The following SPAG16 variants were observed in gnomAD, a reference collection of about 807,000 sequenced individuals.
SPAG16 encodes the protein sperm associated antigen 16.
Under a neutral mutation model 80.4 loss-of-function variants are expected in SPAG16, and 86 were observed. The observed-to-expected ratio is 1.07, with a 90% CI of 0.90 to 1.28. SPAG16 has a LOEUF of 1.28. SPAG16 is among the 50% of genes most tolerant of loss of function. SPAG16 has a pLI of 0.00. For synonymous variants in SPAG16, 294 were observed against 265.9 expected (o/e 1.11, Z -1.03); for missense variants, 870 against 765.3 (o/e 1.14, Z -1.61).
chr2:213,326,150 G>A (rs905875584), intron 5 of SPAG16, among the ~76,000 whole-genome samples: 2 of 151,860 alleles, frequency 1.3e-5, no homozygotes, highest in Admixed American at 6.6e-5. Context: ...TACTGATTGG[G>A]ATTACTAACA....
At chr2:213,777,782 C>T (rs2069695207) in intron 10 of SPAG16, among the ~76,000 whole-genome samples, 1 of 152,146 alleles carries the variant, frequency 6.6e-6, no homozygotes, top group Admixed American at 6.5e-5. Context: ...AGTGATCTGC[C>T]TGCCTCGGCC....
At chr2:213,452,125 T>C (rs1327669138) in intron 9 of SPAG16, among the ~76,000 whole-genome samples, 1 of 152,166 alleles carries the variant, frequency 6.6e-6, no homozygotes, top group Non-Finnish European at 1.5e-5. Context: ...CCAAGTTGCT[T>C]GTCTGTGTTT....
At chr2:214,269,157 G>C (rs922690748) in intron 15 of SPAG16, among the ~76,000 whole-genome samples, 13 of 151,926 alleles carry the variant, frequency 8.6e-5, no homozygotes, top group African/African-American at 3.1e-4. Context: ...CTTTGTTTCA[G>C]TTTAAACATG....
At chr2:214,073,232 C>CTTTTTT (rs67988930) in intron 13 of SPAG16, among the ~76,000 whole-genome samples, 1 of 141,068 alleles carries the variant, frequency 7.1e-6, no homozygotes, top group Non-Finnish European at 1.6e-5. Flanking sequence ...GAAATTTTTT[C>CTTTTTT]TTTTTTTTTT....
At chr2:214,099,862 A>G (rs777259170) in intron 13 of SPAG16, among the ~76,000 whole-genome samples, 2 of 152,132 alleles carry the variant, frequency 1.3e-5, no homozygotes, top group Non-Finnish European at 2.9e-5. Context: ...CGCAATCTGA[A>G]TAACAATTAC....
At chr2:213,369,150 A>G (rs2066494216) in intron 8 of SPAG16, among the ~76,000 whole-genome samples, 1 of 152,196 alleles carries the variant, frequency 6.6e-6, no homozygotes, top group African/African-American at 2.4e-5. Flanking sequence ...TAAAATGTAG[A>G]CATTTTAAGA....
intron 15 of SPAG16, among the ~76,000 whole-genome samples, chr2:214,329,618 C>G (rs1318022171): frequency 6.6e-6 from 1 of 152,118 alleles, no homozygotes; most frequent in African/African-American, 2.4e-5. Flanking sequence ...ATTTGAACTG[C>G]TGGGCATGGA....
chr2:213,774,404 C>CA (rs1169062592), intron 10 of SPAG16, among the ~76,000 whole-genome samples: 1 of 152,178 alleles, frequency 6.6e-6, no homozygotes, highest in Non-Finnish European at 1.5e-5. Flanking sequence ...TGCATCACTC[C>CA]AATCCTTAAT....
intron 10 of SPAG16, among the ~76,000 whole-genome samples, chr2:213,534,228 T>G (rs1250615388): frequency 6.6e-6 from 1 of 152,128 alleles, no homozygotes; most frequent in Non-Finnish European, 1.5e-5. Context: ...TTGCAAATGA[T>G]TTCTACTTTT....
At chr2:214,301,591 T>C (rs1467888726) in intron 15 of SPAG16, among the ~76,000 whole-genome samples, 1 of 152,200 alleles carries the variant, frequency 6.6e-6, no homozygotes, top group Non-Finnish European at 1.5e-5. Context: ...CATAGTAGTC[T>C]CATGATCTTT....
chr2:213,727,415 G>T (rs1319365871), intron 10 of SPAG16, among the ~76,000 whole-genome samples: 1 of 152,010 alleles, frequency 6.6e-6, no homozygotes, highest in East Asian at 1.9e-4. Flanking sequence ...TGCTAATGTT[G>T]GTTTGAGTGC....
rs541304186 is a variant in SPAG16, at chr2:214,166,117, A to G, written c.1720+16851A>G. Among the ~76,000 whole-genome samples, 13 of 152,340 alleles carry G rather than the reference A, an allele frequency of 8.5e-5. No homozygotes were observed. The South Asian group carries it at 2.7e-3, about 32-fold the overall frequency. ...GTCATAAATGTGCATATAATGAAATATAAAGATAGATTTTCATAGTACATA... is the reference window on the plus strand; with the variant it reads ...GTCATAAATGTGCATATAATGAAATGTAAAGATAGATTTTCATAGTACATA... On this transcript the variant is annotated intron_variant, in intron 15 of 15. Transcript: ENST00000331683.
chr2:213,331,973 C>T (rs1417218215), intron 5 of SPAG16, among the ~76,000 whole-genome samples: 1 of 151,932 alleles, frequency 6.6e-6, no homozygotes, highest in East Asian at 1.9e-4. Context: ...AATGATTCAT[C>T]TTAAAAAGCT....
At chr2:213,284,886 C>T (rs184404861) in intron 1 of SPAG16, 5 of 430,212 alleles carry the variant, frequency 1.2e-5, no homozygotes, top group Admixed American at 4.2e-5. Flanking sequence ...CCACTCAGTA[C>T]ATTTTGGATG....
chr2:213,622,748 C>T (rs1437935604), intron 10 of SPAG16, among the ~76,000 whole-genome samples: 1 of 152,068 alleles, frequency 6.6e-6, no homozygotes, highest in Non-Finnish European at 1.5e-5. Context: ...ACTATGCAAA[C>T]TTAGCAATAT....
chr2:214,209,777 G>C (rs1486585851), intron 15 of SPAG16, among the ~76,000 whole-genome samples: 1 of 152,060 alleles, frequency 6.6e-6, no homozygotes, highest in Non-Finnish European at 1.5e-5. Flanking sequence ...GCCAAATTAA[G>C]CCTATTTAAC....
intron 13 of SPAG16, among the ~76,000 whole-genome samples, chr2:214,095,296 C>T (rs905890749): frequency 5.3e-5 from 8 of 152,064 alleles, no homozygotes; most frequent in African/African-American, 1.7e-4. Context: ...AGAAAGCAGA[C>T]ACACACAGAA....
chr2:213,697,978 C>T (rs1345524052), intron 10 of SPAG16, among the ~76,000 whole-genome samples: 1 of 152,104 alleles, frequency 6.6e-6, no homozygotes, highest in Non-Finnish European at 1.5e-5. Flanking sequence ...CTTCTGCCAA[C>T]TCTCGTCAAC....
At chr2:214,202,656 G>GA (rs1298441725) in intron 15 of SPAG16, among the ~76,000 whole-genome samples, 1 of 152,160 alleles carries the variant, frequency 6.6e-6, no homozygotes, top group Non-Finnish European at 1.5e-5. Context: ...GCAGGAGTTT[G>GA]AAGCAGTTTT....
Sources: gnomAD v4.1 joint callset for allele counts (sites outside exome capture counted in the v4.1 genomes callset) on GRCh38, gnomAD v4.1.1 for gene constraint, MANE v1.5 for transcripts, NCBI Gene and HGNC (gene_info 2026-07-23, HGNC 2026-07-21) for gene names.